The following ANTXR1 variants were observed in gnomAD, a reference collection of about 807,000 sequenced individuals.
ANTXR1 encodes anthrax toxin receptor 1.
ANTXR1 carries 19 observed loss-of-function variants against 78.1 expected under a neutral mutation model. That is an observed-to-expected ratio of 0.24 (90% CI 0.17 to 0.36). ANTXR1 has a LOEUF of 0.36. Ranked by LOEUF, ANTXR1 falls within the 10% of genes least tolerant of loss-of-function variation. ANTXR1 has a pLI of 1.00. For missense variants in ANTXR1, 518 were observed against 718.6 expected, an observed-to-expected ratio of 0.72 and a Z score of 3.19; for synonymous variants, 273 against 260.5, an observed-to-expected ratio of 1.05 and a Z score of -0.46.
chr2:69,062,734 C>T (rs1157107153), intron 3 of ANTXR1, among the ~76,000 whole-genome samples: 1 of 151,988 alleles, frequency 6.6e-6, no homozygotes, highest in Non-Finnish European at 1.5e-5. Context: ...TAAAGAAAAA[C>T]ATAGTTAATA....
intron 1 of ANTXR1, among the ~76,000 whole-genome samples, chr2:69,027,327 G>T (rs771862787): frequency 6.6e-6 from 1 of 152,210 alleles, no homozygotes; most frequent in Non-Finnish European, 1.5e-5. Context: ...GTTTAATTAT[G>T]TGGATGTACT....
At chr2:69,200,068 C>T (rs1674738155) in intron 17 of ANTXR1, among the ~76,000 whole-genome samples, 1 of 152,116 alleles carries the variant, frequency 6.6e-6, no homozygotes, top group African/African-American at 2.4e-5. Context: ...CAGCCTGAGC[C>T]CTCCCCAGTC....
At chr2:69,216,885 A>T (rs890252301) in intron 17 of ANTXR1, among the ~76,000 whole-genome samples, 39 of 152,230 alleles carry the variant, frequency 2.6e-4, no homozygotes, top group African/African-American at 8.9e-4. Context: ...GACCATTGTC[A>T]TTGCTAAGTT....
chr2:69,180,978 C>G (rs1159721489), intron 14 of ANTXR1, among the ~76,000 whole-genome samples: 1 of 152,104 alleles, frequency 6.6e-6, no homozygotes. Flanking sequence ...GGAATTTGCC[C>G]AGAGTATTTG....
At chr2:69,174,130 T>C (rs1674059076) in intron 14 of ANTXR1, among the ~76,000 whole-genome samples, 1 of 152,232 alleles carries the variant, frequency 6.6e-6, no homozygotes, top group Admixed American at 6.5e-5. Flanking sequence ...CAATAATAGT[T>C]AAAACATTGT....
chr2:69,215,190 A>G (rs1675146054), intron 17 of ANTXR1, among the ~76,000 whole-genome samples: 1 of 151,950 alleles, frequency 6.6e-6, no homozygotes, highest in African/African-American at 2.4e-5. Context: ...CCCCATGGGG[A>G]CAGCCTCACT....
chr2:69,077,424 A>G lies in ANTXR1; in HGVS notation c.578A>G (p.Asp193Gly). Reference protein sequence around the residue: ...FNETQLARIADSKDHVFPVND... With the variant: ...FNETQLARIAGSKDHVFPVND... ...TGTTCTCAGCTGGCCCGGATTGCGGACAGTAAGGATCATGTGTTTCCCGTG... is the reference window on the plus strand; with the variant it reads ...TGTTCTCAGCTGGCCCGGATTGCGGGCAGTAAGGATCATGTGTTTCCCGTG... Residue 193 changes from aspartate to glycine, a missense_variant, in exon 8 of 18, where the codon GAC becomes GGC. By Grantham distance (94) the Asp-to-Gly change is moderately conservative. This residue lies in a region of ANTXR1 where 264 missense variants were observed against 391.8 expected (regional missense o/e 0.67). Coordinates refer to ENST00000303714, the MANE Select transcript of ANTXR1 (RefSeq NM_032208.3). 6.2e-7 allele frequency: 1 copy of G among 1,614,068 alleles called. No individual in the cohort carries two copies. The highest frequency in any genetic ancestry group is 8.5e-7 in the Non-Finnish European group (1 of 1,179,990).
At chr2:69,126,271 G>A (rs1573910160) in intron 12 of ANTXR1, among the ~76,000 whole-genome samples, 1 of 152,202 alleles carries the variant, frequency 6.6e-6, no homozygotes, top group East Asian at 1.9e-4. Context: ...AGGTACAGAT[G>A]ATGGGAAAGT....
intron 12 of ANTXR1, among the ~76,000 whole-genome samples, chr2:69,148,650 C>T (rs1393043628): frequency 3.3e-5 from 5 of 152,192 alleles, no homozygotes; most frequent in Non-Finnish European, 1.5e-5. Context: ...CTGCTTGGCA[C>T]ACAGTAAATG....
At chr2:69,072,900 G>A (rs550053861) in intron 5 of ANTXR1, 122 bp from the exon 6 acceptor site, 6 of 972,986 alleles carry the variant, frequency 6.2e-6, no homozygotes, top group African/African-American at 3.2e-5. Context: ...AAGAAAAGTT[G>A]GTGATTCTCA....
chr2:69,242,629 A>G (rs960946650), intron 17 of ANTXR1, among the ~76,000 whole-genome samples: 1 of 152,198 alleles, frequency 6.6e-6, no homozygotes, highest in Non-Finnish European at 1.5e-5. Flanking sequence ...CTCCTTCCCC[A>G]GGATGAGGGT....
chr2:69,129,732 A>G (rs988512948), intron 12 of ANTXR1, among the ~76,000 whole-genome samples: 2 of 151,422 alleles, frequency 1.3e-5, no homozygotes, highest in Non-Finnish European at 2.9e-5. Context: ...GCCTGGTAAC[A>G]GAGCAAGACT....
rs1675496786 is a variant in ANTXR1, at chr2:69,227,967, A to G, written c.1435-17258A>G. ...GAAATGTAGTCATTGCTGGCTGGTC[A>G]TGTGGCCAGTGAAACTCAGGGGTTC... On this transcript the variant is annotated intron_variant, in intron 17 of 17. Coordinates refer to ENST00000303714, the MANE Select transcript of ANTXR1 (RefSeq NM_032208.3). Among the ~76,000 whole-genome samples, 4 of 152,340 alleles carry G rather than the reference A, an allele frequency of 2.6e-5. No homozygotes were observed. In the South Asian group the frequency reaches 8.3e-4, roughly 32 times the overall value.
chr2:69,037,631 G>C (rs912320695), intron 1 of ANTXR1, among the ~76,000 whole-genome samples: 33 of 151,900 alleles, frequency 2.2e-4, no homozygotes, highest in Middle Eastern at 3.2e-3. Flanking sequence ...CACCATGCCC[G>C]GCTAATTTTT....
rs1388044343 is a variant in ANTXR1 at position 69,247,543 on chromosome 2, A to AT, written c.*2063dup. On this transcript the variant is annotated 3_prime_UTR_variant, in exon 18 of 18. Transcript: ENST00000303714. Reference sequence around the variant, plus strand: ...CTCCCCAACCCTGCCGCATTGTCTAATTTTTAGAACACTAGGCTTCTTCTT... The same window carrying AT: ...CTCCCCAACCCTGCCGCATTGTCTAATTTTTTAGAACACTAGGCTTCTTCTT... 1 of 152,652 alleles carries AT rather than the reference A, an allele frequency of 6.6e-6. No homozygotes were observed. Among genetic ancestry groups the AT allele is most frequent in the Non-Finnish European group, 1.5e-5 (1 of 68,100 alleles). The allele number at this position is 152,652 out of a possible 1,614,324, so 9.5% of individuals were successfully genotyped here. A position where few individuals can be genotyped will look rare whatever the true frequency, so the allele number is the denominator to read the frequency against.
intron 12 of ANTXR1, among the ~76,000 whole-genome samples, chr2:69,136,078 T>TGATATAATA (rs771181804): frequency 2.5e-4 from 38 of 152,190 alleles, no homozygotes; most frequent in African/African-American, 8.7e-4. Context: ...CATGATATAA[T>TGATATAATA]GGGCAGTGTT....
At position 69,248,543 on chromosome 2, in the gene ANTXR1, A is replaced by G. The variant is rs1676068985; in HGVS notation, c.*3058A>G. On this transcript the variant is annotated 3_prime_UTR_variant, in exon 18 of 18. Transcript: ENST00000303714. ...GGTGCACCCTCCAGTGAGACACAAGATCTCTCTTTTACCAAAGTTGAGAAC... is the reference window on the plus strand; with the variant it reads ...GGTGCACCCTCCAGTGAGACACAAGGTCTCTCTTTTACCAAAGTTGAGAAC... 6.6e-6 allele frequency: 1 copy of G among 152,590 alleles called. No individual in the cohort carries two copies. Among genetic ancestry groups the G allele is most frequent in the African/African-American group, 2.4e-5 (1 of 41,438 alleles). 9.5% of individuals were successfully genotyped at this position (152,590 alleles called of 1,614,324 possible).
At chr2:69,119,820 C>T (rs955056009) in intron 10 of ANTXR1, among the ~76,000 whole-genome samples, 1 of 152,214 alleles carries the variant, frequency 6.6e-6, no homozygotes, top group Non-Finnish European at 1.5e-5. Context: ...CTTGGACAAG[C>T]TACTTAATCT....
chr2:69,108,617 C>G (rs1394876254), intron 10 of ANTXR1, among the ~76,000 whole-genome samples: 1 of 152,220 alleles, frequency 6.6e-6, no homozygotes, highest in Admixed American at 6.5e-5. Flanking sequence ...TCTCTCTCCT[C>G]TCACCCTCCA....
Sources: allele counts gnomAD v4.1 joint callset (sites outside exome capture counted in the v4.1 genomes callset), GRCh38; gene constraint gnomAD v4.1.1; regional missense constraint gnomAD v4.1.1; transcripts MANE v1.5; gene names NCBI Gene and HGNC (gene_info 2026-07-23, HGNC 2026-07-21).